Variants in PPP2R2A observed in about 807,000 individuals in gnomAD.
PPP2R2A encodes the protein serine/threonine-protein phosphatase 2A 55 kDa regulatory subunit B alpha isoform.
In PPP2R2A, 9 loss-of-function variants were observed where a neutral mutation model predicts 53.2. The ratio of observed to expected loss-of-function variants is 0.17; its 90% CI spans 0.10 to 0.30. The LOEUF (loss-of-function observed/expected upper bound fraction) is 0.30, where lower values mean the gene tolerates loss of function less well. Among genes scored for constraint, PPP2R2A ranks in the 10% least tolerant of loss-of-function variants. PPP2R2A has a pLI of 1.00. For synonymous variants in PPP2R2A, 169 were observed against 174.2 expected, an observed-to-expected ratio of 0.97 and a Z score of 0.23; for missense variants, 235 against 534.6, an observed-to-expected ratio of 0.44 and a Z score of 5.53.
intron 2 of PPP2R2A, among the ~76,000 whole-genome samples, chr8:26,327,640 G>C (rs1231797890): frequency 6.6e-6 from 1 of 152,162 alleles, no homozygotes; most frequent in Non-Finnish European, 1.5e-5. Flanking sequence ...GTGGTCTGTA[G>C]GGAAATCATT....
chr8:26,307,828 T>C (rs1448175778), intron 2 of PPP2R2A, among the ~76,000 whole-genome samples: 1 of 152,220 alleles, frequency 6.6e-6, no homozygotes, highest in Non-Finnish European at 1.5e-5. Context: ...AAGGCTTAGA[T>C]AAAGTAACTT....
chr8:26,347,641 AAAT>A (rs1294636871), intron 3 of PPP2R2A, among the ~76,000 whole-genome samples: 2 of 152,300 alleles, frequency 1.3e-5, no homozygotes, highest in South Asian at 2.1e-4. Context: ...TCTTATAGAC[AAAT>A]AATAATGCTA....
chr8:26,340,924 CT>C (rs1563309846), intron 3 of PPP2R2A, among the ~76,000 whole-genome samples: 2 of 152,018 alleles, frequency 1.3e-5, no homozygotes, highest in Non-Finnish European at 2.9e-5. Flanking sequence ...TCCCGTGATT[CT>C]TTTCTGAAAC....
Position 26,301,116 on chromosome 8 carries a change from C to A in PPP2R2A, c.82+7376C>A, listed in dbSNP as rs1233204999. 1.1e-4 allele frequency among the ~76,000 whole-genome samples: 16 copies of A among 152,240 alleles called. No individual in the cohort carries two copies. The East Asian group carries it at 3.1e-3, about 29-fold the overall frequency. ...GCAGGTGGTGAAGCTGGGATTCTTA[C>A]CTTAGACCTTTCACTTTTCCTAATA... On this transcript the variant is annotated intron_variant, in intron 2 of 9. Transcript: ENST00000380737.
intron 3 of PPP2R2A, among the ~76,000 whole-genome samples, chr8:26,340,714 G>A (rs1803899601): frequency 6.6e-6 from 1 of 152,000 alleles, no homozygotes; most frequent in Admixed American, 6.6e-5. Flanking sequence ...GGAAAAAATG[G>A]CTGAAAATTT....
At chr8:26,297,126 G>A (rs73215694) in intron 2 of PPP2R2A, among the ~76,000 whole-genome samples, 6,672 of 152,190 alleles carry the variant, frequency 0.044, 186 homozygotes, top group South Asian at 0.12. Context: ...GTGTGTGTGT[G>A]TGTGTGAGAC....
chr8:26,368,624 G>C (rs1755214689), intron 9 of PPP2R2A, among the ~76,000 whole-genome samples: 1 of 152,160 alleles, frequency 6.6e-6, no homozygotes, highest in African/African-American at 2.4e-5. Context: ...AACATAGCAA[G>C]ACCCTGTCTC....
intron 3 of PPP2R2A, among the ~76,000 whole-genome samples, chr8:26,345,397 G>C (rs1804160098): frequency 6.6e-6 from 1 of 151,978 alleles, no homozygotes; most frequent in Non-Finnish European, 1.5e-5. Context: ...AGATAATTCA[G>C]TAAATATGGA....
chr8:26,328,088 A>G (rs892919410), intron 2 of PPP2R2A, among the ~76,000 whole-genome samples: 1 of 152,240 alleles, frequency 6.6e-6, no homozygotes, highest in Non-Finnish European at 1.5e-5. Flanking sequence ...ATGCAGGCAT[A>G]TGTTAAAATT....
At chr8:26,361,968 T>A (rs987335538) in intron 6 of PPP2R2A, among the ~76,000 whole-genome samples, 19 of 148,378 alleles carry the variant, frequency 1.3e-4, no homozygotes, top group Middle Eastern at 3.6e-3. Context: ...TCTCAAAAAA[T>A]ATATATATAT....
chr8:26,314,275 T>C (rs1172650254), intron 2 of PPP2R2A, among the ~76,000 whole-genome samples: 1 of 152,212 alleles, frequency 6.6e-6, no homozygotes, highest in Non-Finnish European at 1.5e-5. Context: ...TCAGATGTTG[T>C]ATCAGTTTTA....
At chr8:26,347,813 C>A (rs1254653917) in intron 3 of PPP2R2A, among the ~76,000 whole-genome samples, 3 of 152,126 alleles carry the variant, frequency 2.0e-5, no homozygotes, top group Admixed American at 1.3e-4. Flanking sequence ...TATTAACTTA[C>A]TGAACATAAT....
chr8:26,333,113 A>T (rs1803468967), intron 2 of PPP2R2A, among the ~76,000 whole-genome samples: 1 of 152,242 alleles, frequency 6.6e-6, no homozygotes, highest in South Asian at 2.1e-4. Context: ...CTTTGGCATT[A>T]GTTTGATATG....
chr8:26,362,917 A>G lies in PPP2R2A; in HGVS notation c.802+69A>G. On this transcript the variant is annotated intron_variant, in intron 7 of 9. Transcript: ENST00000380737. This position sits in a 1 kb window ranked among gnomAD's most constrained non-coding sequence, Gnocchi z 4.4. ...TTGTCTGAAATAAGCCTCAGACATG[A>G]TAAGTACAATTACAGAGGTTCAAAG... 1.4e-6 allele frequency: 2 copies of G among 1,449,800 alleles called. No individual in the cohort carries two copies. Among genetic ancestry groups the G allele is most frequent in the East Asian group, 2.3e-5 (1 of 42,592 alleles). 89.8% of individuals were successfully genotyped at this position (1,449,800 alleles called of 1,614,324 possible). A position where few individuals can be genotyped will look rare whatever the true frequency, so the allele number is the denominator to read the frequency against.
chr8:26,368,256 A>G (rs1311624439), intron 9 of PPP2R2A, among the ~76,000 whole-genome samples: 2 of 152,258 alleles, frequency 1.3e-5, no homozygotes, highest in African/African-American at 2.4e-5. Context: ...GGGAATTGAC[A>G]TTACTAAATA....
chr8:26,293,474 CT>C (rs1369196351), intron 1 of PPP2R2A, 191 bp from the exon 2 acceptor site: 13 of 692,048 alleles, frequency 1.9e-5, no homozygotes, highest in Admixed American at 3.1e-5. Context: ...TACCTGGAAT[CT>C]TTTTTTTCTT....
intron 2 of PPP2R2A, among the ~76,000 whole-genome samples, chr8:26,323,661 A>C (rs1802950410): frequency 1.3e-5 from 2 of 152,248 alleles, no homozygotes; most frequent in Admixed American, 1.3e-4. Context: ...AGAGATATGT[A>C]GGACAAGGTC....
At chr8:26,295,391 A>G (rs1801499083) in intron 2 of PPP2R2A, among the ~76,000 whole-genome samples, 1 of 152,230 alleles carries the variant, frequency 6.6e-6, no homozygotes, top group Non-Finnish European at 1.5e-5. Context: ...TCCTCCCTTA[A>G]TGTATAGGTT....
At chr8:26,305,280 A>G (rs139409436) in intron 2 of PPP2R2A, among the ~76,000 whole-genome samples, 19 of 152,256 alleles carry the variant, frequency 1.2e-4, no homozygotes, top group African/African-American at 4.3e-4. Context: ...TTGTGTGTAT[A>G]TATCCCTTTT....
Sources: allele counts gnomAD v4.1 joint callset (sites outside exome capture counted in the v4.1 genomes callset), GRCh38; gene constraint gnomAD v4.1.1; non-coding constraint Gnocchi (gnomAD v3.1); transcripts MANE v1.5; gene names NCBI Gene and HGNC (gene_info 2026-07-23, HGNC 2026-07-21).